TOPBP1: variants seen among roughly 807,000 people sequenced by gnomAD.
The protein encoded by TOPBP1 is DNA topoisomerase II binding protein 1, also known as DNA topoisomerase 2-binding protein 1.
Under a neutral mutation model 167.7 loss-of-function variants are expected in TOPBP1, and 28 were observed. That is an observed-to-expected ratio of 0.17 (90% CI 0.12 to 0.23). TOPBP1 has a LOEUF of 0.23. Among genes scored for constraint, TOPBP1 ranks in the 10% least tolerant of loss-of-function variants. The pLI is 1.00. For synonymous variants in TOPBP1, 598 were observed against 611.4 expected, an observed-to-expected ratio of 0.98 and a Z score of 0.32; for missense variants, 1,554 against 1,809.6, an observed-to-expected ratio of 0.86 and a Z score of 2.56.
chr3:133,639,378 G>A (rs567860309), intron 13 of TOPBP1, among the ~76,000 whole-genome samples: 22 of 152,142 alleles, frequency 1.4e-4, no homozygotes, highest in South Asian at 1.2e-3. Flanking sequence ...ACCAAACACC[G>A]CATGTTCTCA....
At chr3:133,647,323 T>C (rs1363825052) in intron 10 of TOPBP1, among the ~76,000 whole-genome samples, 1 of 152,166 alleles carries the variant, frequency 6.6e-6, no homozygotes, top group African/African-American at 2.4e-5. Context: ...CTTAAAGGCA[T>C]ATTGAGTTTG....
intron 14 of TOPBP1, among the ~76,000 whole-genome samples, chr3:133,636,965 T>A (rs1411051430): frequency 6.6e-6 from 1 of 152,178 alleles, no homozygotes; most frequent in Non-Finnish European, 1.5e-5. Context: ...ACACTTTTTT[T>A]AATGTGCGTC....
chr3:133,627,860 A>G (rs1011454226), intron 16 of TOPBP1, among the ~76,000 whole-genome samples: 2 of 150,274 alleles, frequency 1.3e-5, no homozygotes, highest in Non-Finnish European at 3.0e-5. Flanking sequence ...CTGACAATCT[A>G]AGTCTCCAAA....
chr3:133,638,504 C>T (rs1935756317), intron 13 of TOPBP1, among the ~76,000 whole-genome samples: 1 of 152,184 alleles, frequency 6.6e-6, no homozygotes, highest in Admixed American at 6.6e-5. Flanking sequence ...AAATTGTTAT[C>T]AGTGAATGTC....
chr3:133,645,451 AAAGGTGAGGC>A (rs1936042873), intron 10 of TOPBP1, among the ~76,000 whole-genome samples: 1 of 152,220 alleles, frequency 6.6e-6, no homozygotes, highest in Non-Finnish European at 1.5e-5. Context: ...AGATGGAATT[AAAGGTGAGGC>A]AATACTATAA....
intron 2 of TOPBP1, 84 bp downstream of exon 2, chr3:133,660,960 T>C: frequency 2.1e-6 from 2 of 961,428 alleles, no homozygotes; most frequent in Non-Finnish European, 3.0e-6. Context: ...AAATATCTAC[T>C]TCTAAGACAT....
At chr3:133,614,322 G>A (rs1379362843) in intron 23 of TOPBP1, among the ~76,000 whole-genome samples, 1 of 152,078 alleles carries the variant, frequency 6.6e-6, no homozygotes, top group Non-Finnish European at 1.5e-5. Context: ...GGATCACAGA[G>A]TGACAAAAAG....
intron 8 of TOPBP1, among the ~76,000 whole-genome samples, chr3:133,651,171 CTTTTTTTTTTT>C (rs1176625452): frequency 1.2e-5 from 1 of 82,118 alleles, no homozygotes; most frequent in Non-Finnish European, 2.2e-5. Flanking sequence ...CCGAATTTCC[CTTTTTTTTTTT>C]TTTTTTTTTT....
intron 27 of TOPBP1, 57 bp downstream of exon 27, chr3:133,608,474 TTATC>T: frequency 6.4e-7 from 1 of 1,561,792 alleles, no homozygotes; most frequent in Admixed American, 1.8e-5. Context: ...GTGCAGTTAC[TTATC>T]TATGCACATA....
intron 10 of TOPBP1, among the ~76,000 whole-genome samples, chr3:133,647,161 C>T (rs1936104383): frequency 6.6e-6 from 1 of 152,144 alleles, no homozygotes; most frequent in South Asian, 2.1e-4. Flanking sequence ...CAAATCTGCC[C>T]TGTAAAGGAA....
Position 133,628,433 on chromosome 3 carries a change from A to G in TOPBP1, c.2733T>C (p.Cys911=), listed in dbSNP as rs985103821. 6.2e-7 allele frequency: 1 copy of G among 1,611,380 alleles called. No individual in the cohort carries two copies. Reference sequence around the variant, plus strand: ...GCTTCTTACTGAGTTTTTTACTAACACATACCACTACTTTGTGAAGTGGCT... The same window carrying G: ...GCTTCTTACTGAGTTTTTTACTAACGCATACCACTACTTTGTGAAGTGGCT... ...APKPLHKVVV[C]VSKKLSKKQS... is the part of the protein sequence containing the mutation. The change falls in exon 16 of 28, where the codon TGT becomes TGC. Residue 911 remains cysteine, a synonymous_variant. Transcript: ENST00000260810.
intron 23 of TOPBP1, among the ~76,000 whole-genome samples, chr3:133,616,088 G>A (rs1427860705): frequency 2.0e-5 from 3 of 151,648 alleles, no homozygotes; most frequent in Non-Finnish European, 4.4e-5. Context: ...TACATAAGAA[G>A]GAGCTCTCTT....
chr3:133,631,415 C>T (rs1036683239), intron 14 of TOPBP1, among the ~76,000 whole-genome samples: 13 of 152,306 alleles, frequency 8.5e-5, no homozygotes, highest in Non-Finnish European at 1.0e-4. Context: ...TTTTAATAAA[C>T]GGTAGGGCTA....
chr3:133,652,953 T>C (rs1363848638), intron 7 of TOPBP1, among the ~76,000 whole-genome samples: 1 of 152,212 alleles, frequency 6.6e-6, no homozygotes, highest in Admixed American at 6.5e-5. Flanking sequence ...ACACGACACC[T>C]ACAAAATAGA....
rs1373364282 is a variant in TOPBP1, at chr3:133,641,412, C to G, written c.2022-1242G>C. 2.6e-5 allele frequency among the ~76,000 whole-genome samples: 4 copies of G among 152,190 alleles called. No homozygotes were observed. In the South Asian group the frequency reaches 8.3e-4, roughly 32 times the overall value. ...ACAGGGTCTTGCTCTGTCCTCCAGG[C>G]TAGAGTACAGTGGCGCCACTGTGAC... On this transcript the variant is annotated intron_variant, in intron 12 of 27. Transcript: ENST00000260810.
chr3:133,608,441 A>C, intron 27 of TOPBP1, 94 bp downstream of exon 27: 1 of 1,374,198 alleles, frequency 7.3e-7, no homozygotes, highest in South Asian at 1.4e-5. Flanking sequence ...ATCTTCTACT[A>C]ATCATGAGCT....
rs1183834762 is a variant in TOPBP1, at chr3:133,620,046, G to GA, written c.3371+108dup. ...TTTTACTGCATATTGGGGAAAAAAA[G>GA]AAAAAAAAGCTAAATTAGGCCAAGC... On this transcript the variant is annotated intron_variant, in intron 20 of 27. Transcript: ENST00000260810. 147 of 1,238,630 alleles carry GA rather than the reference G, an allele frequency of 1.2e-4. 1 individual carries two copies. Among genetic ancestry groups the GA allele is most frequent in the Middle Eastern group, 5.6e-4 (2 of 3,554 alleles). The allele number at this position is 1,238,630 out of a possible 1,614,324, so 76.7% of individuals were successfully genotyped here.
intron 27 of TOPBP1, among the ~76,000 whole-genome samples, chr3:133,606,102 C>T (rs1370164114): frequency 2.6e-5 from 4 of 151,984 alleles, no homozygotes; most frequent in Non-Finnish European, 4.4e-5. Context: ...TGAGGTGGAT[C>T]TCCTGGGCCT....
chr3:133,661,016 ACGGTATT>A, intron 2 of TOPBP1, 21 bp downstream of exon 2: 1 of 1,490,204 alleles, frequency 6.7e-7, no homozygotes, highest in Admixed American at 2.5e-5. Flanking sequence ...AAATGAATTC[ACGGTATT>A]AAGATGTTTT....
Sources: allele counts gnomAD v4.1 joint callset (sites outside exome capture counted in the v4.1 genomes callset), GRCh38; gene constraint gnomAD v4.1.1; transcripts MANE v1.5; gene names NCBI Gene and HGNC (gene_info 2026-07-23, HGNC 2026-07-21).